Variants in ZNF385D observed in about 807,000 individuals in gnomAD.
ZNF385D encodes the protein zinc finger protein 385D.
Under a neutral mutation model 35.8 loss-of-function variants are expected in ZNF385D, and 15 were observed. That is an observed-to-expected ratio of 0.42 (90% CI 0.28 to 0.64). The LOEUF is 0.64. Ranked by LOEUF, ZNF385D falls within the 30% of genes least tolerant of loss-of-function variation. The probability of loss-of-function intolerance (pLI) is 0.23; values close to 1 mark genes in which losing one functional copy is unlikely to be tolerated. For missense variants in ZNF385D, 474 were observed against 494.6 expected (o/e 0.96, Z 0.39); for synonymous variants, 212 against 186.8 (o/e 1.13, Z -1.10).
chr3:21,757,427 G>A (rs2070395198), intron 3 of ZNF385D, among the ~76,000 whole-genome samples: 1 of 152,266 alleles, frequency 6.6e-6, no homozygotes, highest in Admixed American at 6.5e-5. Context: ...ACAGGCGTGA[G>A]CCACCACACC....
chr3:22,324,044 G>A (rs1694564584), intron 2 of ZNF385D, among the ~76,000 whole-genome samples: 1 of 152,028 alleles, frequency 6.6e-6, no homozygotes, highest in Non-Finnish European at 1.5e-5. Context: ...TATCATGAAA[G>A]CTCCTAAAAT....
intron 3 of ZNF385D, among the ~76,000 whole-genome samples, chr3:21,888,860 G>A (rs1034807750): frequency 5.3e-5 from 8 of 152,230 alleles, no homozygotes; most frequent in Non-Finnish European, 8.8e-5. Flanking sequence ...CAAGTCTGTG[G>A]CTCCTGTCTG....
chr3:21,435,438 A>G (rs1177249954), intron 5 of ZNF385D, among the ~76,000 whole-genome samples: 1 of 151,234 alleles, frequency 6.6e-6, no homozygotes, highest in Non-Finnish European at 1.5e-5. Context: ...TTTTTTTCAT[A>G]ATTTTTTGTG....
At chr3:22,059,900 C>G (rs1203723597) in intron 3 of ZNF385D, among the ~76,000 whole-genome samples, 1 of 152,120 alleles carries the variant, frequency 6.6e-6, no homozygotes, top group Non-Finnish European at 1.5e-5. Flanking sequence ...AGAAGATCCA[C>G]CTTCACCAAT....
intron 3 of ZNF385D, among the ~76,000 whole-genome samples, chr3:21,796,032 A>G (rs939660134): frequency 2.6e-5 from 4 of 152,252 alleles, no homozygotes; most frequent in African/African-American, 9.6e-5. Context: ...ATCATAGCAG[A>G]GTCCAGAAAA....
chr3:21,592,832 A>C (rs1559440734), intron 2 of ZNF385D, among the ~76,000 whole-genome samples: 1 of 152,220 alleles, frequency 6.6e-6, no homozygotes, highest in Non-Finnish European at 1.5e-5. Context: ...ACAAGGGAAA[A>C]GCATTCTAGA....
rs181690715 is a variant in ZNF385D, at chr3:22,186,000, C to T, written c.107-16965G>A. 3.2e-4 allele frequency among the ~76,000 whole-genome samples: 49 copies of T among 152,234 alleles called. 1 individual carries two copies. In the South Asian group the frequency reaches 9.5e-3, roughly 30 times the overall value. On this transcript the variant is annotated intron_variant, in intron 2 of 5. Transcript: ENST00000494108. ...CTCATGTTGGCTTGTTTTAGTTCAA[C>T]TTTTAATAATATTTTACTAAAATTG...
rs145988650 is a variant in ZNF385D, at chr3:21,972,022, C to T, written c.325+196795G>A. The stretch of plus-strand genomic sequence containing the variant: ...ACACAATAATAGTTGGAGACTTCAA[C>T]ATCCATTTTCAGCAGCGGAAAAATC... On this transcript the variant is annotated intron_variant, in intron 3 of 5. Coordinates refer to the ZNF385D transcript ENST00000494108. Among the ~76,000 whole-genome samples the T allele has an allele frequency of 1.4e-3, 216 of 152,034 alleles. 1 individual carries two copies. Among genetic ancestry groups the T allele is most frequent in the African/African-American group, 4.7e-3 (196 of 41,548 alleles).
At chr3:21,818,920 A>G (rs565630490) in intron 3 of ZNF385D, among the ~76,000 whole-genome samples, 22 of 152,104 alleles carry the variant, frequency 1.4e-4, no homozygotes, top group Non-Finnish European at 2.8e-4. Context: ...AATCTAAACC[A>G]ACTTTGATAA....
At chr3:22,192,109 C>A (rs1019337176) in intron 2 of ZNF385D, among the ~76,000 whole-genome samples, 1 of 152,108 alleles carries the variant, frequency 6.6e-6, no homozygotes, top group Non-Finnish European at 1.5e-5. Context: ...CTGTCCCTAA[C>A]CTCAGGGTTT....
intron 3 of ZNF385D, among the ~76,000 whole-genome samples, chr3:22,043,259 A>G (rs78324001): frequency 0.016 from 2,399 of 152,262 alleles, 67 homozygotes; most frequent in African/African-American, 0.055. Flanking sequence ...TGCTAATTGG[A>G]AGCATTGAAA....
intron 3 of ZNF385D, among the ~76,000 whole-genome samples, chr3:22,049,569 A>G (rs1035670658): frequency 2.6e-5 from 4 of 152,156 alleles, no homozygotes; most frequent in Admixed American, 6.5e-5. Flanking sequence ...TAAAAGTGCC[A>G]ATAGTGGACA....
chr3:21,546,351 C>G (rs1474720280), intron 3 of ZNF385D, among the ~76,000 whole-genome samples: 1 of 152,068 alleles, frequency 6.6e-6, no homozygotes. Flanking sequence ...GTGTGCCCAT[C>G]ACCCAGAGGT....
intron 2 of ZNF385D, among the ~76,000 whole-genome samples, chr3:22,217,148 C>A (rs112459598): frequency 0.02 from 3,042 of 152,206 alleles, 58 homozygotes; most frequent in South Asian, 0.11. Flanking sequence ...AATTAGAGTA[C>A]TATTCTAATA....
intron 2 of ZNF385D, among the ~76,000 whole-genome samples, chr3:21,626,855 T>A (rs2065147940): frequency 6.6e-6 from 1 of 151,964 alleles, no homozygotes; most frequent in Non-Finnish European, 1.5e-5. Flanking sequence ...TAGGCAGGGA[T>A]CTCACTGAGT....
intron 3 of ZNF385D, among the ~76,000 whole-genome samples, chr3:21,860,496 G>C (rs1315158823): frequency 1.1e-4 from 8 of 74,488 alleles, no homozygotes; most frequent in Admixed American, 4.5e-4. Flanking sequence ...ATTAATACTT[G>C]GCCTCTTTCA....
chr3:22,017,262 TACAG>T (rs1472036921), intron 3 of ZNF385D, among the ~76,000 whole-genome samples: 1 of 152,090 alleles, frequency 6.6e-6, no homozygotes, highest in East Asian at 1.9e-4. Flanking sequence ...TAACATCACA[TACAG>T]ACATAGTGAA....
chr3:22,255,210 C>A (rs549791600), intron 2 of ZNF385D, among the ~76,000 whole-genome samples: 1 of 151,220 alleles, frequency 6.6e-6, no homozygotes, highest in Admixed American at 6.6e-5. Flanking sequence ...AAGAAAAAAA[C>A]TTTGTAATCA....
intron 2 of ZNF385D, among the ~76,000 whole-genome samples, chr3:21,618,289 A>G (rs2064906890): frequency 9.6e-6 from 1 of 103,780 alleles, no homozygotes; most frequent in African/African-American, 3.6e-5. Context: ...AAAGATGGCC[A>G]TGTGAAGACG....
Sources: gnomAD v4.1 joint callset for allele counts (sites outside exome capture counted in the v4.1 genomes callset) on GRCh38, gnomAD v4.1.1 for gene constraint, MANE v1.5 for transcripts, NCBI Gene and HGNC (gene_info 2026-07-23, HGNC 2026-07-21) for gene names.